The following RPH3A variants were observed in gnomAD, a reference collection of about 807,000 sequenced individuals.
RPH3A encodes the protein rabphilin-3A.
A neutral mutation model predicts 102.2 loss-of-function variants in RPH3A; 48 were observed. That is an observed-to-expected ratio of 0.47 (90% CI 0.37 to 0.60). The LOEUF (loss-of-function observed/expected upper bound fraction) is 0.60, where lower values mean the gene tolerates loss of function less well. Among genes scored for constraint, RPH3A ranks in the 20% least tolerant of loss-of-function variants. The pLI is 0.00. For missense variants in RPH3A, 781 were observed against 910.1 expected (o/e 0.86, Z 1.83); for synonymous variants, 310 against 324.3 (o/e 0.96, Z 0.47).
At chr12:112,580,149 T>C (rs764463117) in intron 1 of RPH3A, among the ~76,000 whole-genome samples, 38 of 152,096 alleles carry the variant, frequency 2.5e-4, no homozygotes, top group Non-Finnish European at 4.0e-4. Context: ...TCTCATTCAC[T>C]ATTTTTATCT....
chr12:112,717,133 C>A (rs1350084576), intron 1 of RPH3A, among the ~76,000 whole-genome samples: 2 of 152,180 alleles, frequency 1.3e-5, no homozygotes, highest in Non-Finnish European at 2.9e-5. Flanking sequence ...ATGGTATAAT[C>A]AATTGAAGGG....
chr12:112,834,590 C>T (rs1189711413), intron 3 of RPH3A, among the ~76,000 whole-genome samples: 1 of 152,172 alleles, frequency 6.6e-6, no homozygotes, highest in Non-Finnish European at 1.5e-5. Context: ...GCTTCCCTAC[C>T]ACCTCAGCAG....
chr12:112,666,074 C>T (rs150563576), intron 1 of RPH3A, among the ~76,000 whole-genome samples: 69 of 152,280 alleles, frequency 4.5e-4, no homozygotes, highest in African/African-American at 1.6e-3. Context: ...GCTACTTACT[C>T]GACACATGCA....
At chr12:112,827,125 C>G (rs934020969) in intron 2 of RPH3A, among the ~76,000 whole-genome samples, 17 of 152,074 alleles carry the variant, frequency 1.1e-4, no homozygotes, top group African/African-American at 4.1e-4. Context: ...AATTCCGTGG[C>G]TTTTAGTATT....
intron 2 of RPH3A, among the ~76,000 whole-genome samples, chr12:112,824,153 C>T (rs760198287): frequency 1.3e-5 from 2 of 152,298 alleles, no homozygotes; most frequent in East Asian, 1.9e-4. Flanking sequence ...GGAAGCTAGG[C>T]GAGGGCGTGG....
chr12:112,874,995 C>A, intron 10 of RPH3A, 89 bp from the exon 11 acceptor site: 1 of 1,127,090 alleles, frequency 8.9e-7, no homozygotes, highest in Non-Finnish European at 1.3e-6. Flanking sequence ...AAGGGGCTCA[C>A]CCCACACCAG....
chr12:112,849,000 T>C (rs1190128555), intron 5 of RPH3A, among the ~76,000 whole-genome samples: 1 of 152,110 alleles, frequency 6.6e-6, no homozygotes, highest in African/African-American at 2.4e-5. Flanking sequence ...GGATACCACC[T>C]CCACCCTATG....
At chr12:112,726,104 G>T (rs1263306185) in intron 1 of RPH3A, among the ~76,000 whole-genome samples, 1 of 142,166 alleles carries the variant, frequency 7.0e-6, no homozygotes, top group Non-Finnish European at 1.5e-5. Flanking sequence ...CTTTTTTTTC[G>T]GGGGGGTGGG....
intron 1 of RPH3A, among the ~76,000 whole-genome samples, chr12:112,694,489 C>A (rs964411379): frequency 6.6e-6 from 1 of 151,850 alleles, no homozygotes; most frequent in African/African-American, 2.4e-5. Flanking sequence ...TGGCTGGCCA[C>A]CAAGCTGAGA....
rs1593107076 is a variant in RPH3A, at chr12:112,869,849, C to A, written c.650-44C>A. 6 of 1,613,992 alleles carry A rather than the reference C, an allele frequency of 3.7e-6. No individual in the cohort carries two copies. In the East Asian group the frequency reaches 1.3e-4, roughly 36 times the overall value. ...ATTTGAGACACGAATTCACCTAATT[C>A]CCTCGATGCCCTTTCTCTACTCAAT... On this transcript the variant is annotated intron_variant, in intron 9 of 21. Transcript: ENST00000389385.
chr12:112,736,615 C>T (rs537270985), intron 1 of RPH3A, among the ~76,000 whole-genome samples: 2 of 152,160 alleles, frequency 1.3e-5, no homozygotes, highest in African/African-American at 4.8e-5. Flanking sequence ...GAACAGTGAC[C>T]ACCTCATGGG....
At position 112,791,843 on chromosome 12, in the gene RPH3A, G is replaced by T. The variant is rs1204701574; in HGVS notation, c.-309G>T. ...CTGCCAGCAGCCCGGAGTTGCCTAC[G>T]CGGACTGGAAAGGAAGGGAGAAGGG... On this transcript the variant is annotated 5_prime_UTR_variant, in exon 1 of 22. Transcript: ENST00000389385. 1.0e-5 allele frequency: 1 copy of T among 96,816 alleles called. No individual in the cohort carries two copies. Among genetic ancestry groups the T allele is most frequent in the East Asian group, 2.8e-4 (1 of 3,510 alleles). The allele number at this position is 96,816 out of a possible 1,614,324, so 6.0% of individuals were successfully genotyped here.
intron 3 of RPH3A, among the ~76,000 whole-genome samples, chr12:112,833,415 C>A (rs1346255796): frequency 6.6e-6 from 1 of 152,184 alleles, no homozygotes; most frequent in Non-Finnish European, 1.5e-5. Flanking sequence ...GTCTTTCTTG[C>A]AGATTTTCAT....
At chr12:112,802,289 C>T (rs1390029591) in intron 2 of RPH3A, among the ~76,000 whole-genome samples, 3 of 152,282 alleles carry the variant, frequency 2.0e-5, no homozygotes, top group East Asian at 3.9e-4. Flanking sequence ...GACATGGGTT[C>T]GAATCCTGCC....
chr12:112,691,159 G>C (rs551737421), intron 1 of RPH3A, among the ~76,000 whole-genome samples: 4 of 152,260 alleles, frequency 2.6e-5, no homozygotes, highest in African/African-American at 9.6e-5. Flanking sequence ...CAAGTAGCTG[G>C]GACTACAGGC....
intron 1 of RPH3A, among the ~76,000 whole-genome samples, chr12:112,620,397 T>A (rs1046614647): frequency 3.3e-5 from 5 of 152,214 alleles, no homozygotes; most frequent in Non-Finnish European, 5.9e-5. Flanking sequence ...TTATACTCAC[T>A]GAGTTTTCAC....
chr12:112,624,630 A>G (rs1285412651), intron 1 of RPH3A, among the ~76,000 whole-genome samples: 2 of 151,274 alleles, frequency 1.3e-5, no homozygotes, highest in Non-Finnish European at 2.9e-5. Flanking sequence ...CAGAGGTACA[A>G]GGAGGAACTG....
At chr12:112,645,114 C>T (rs1330141149) in intron 1 of RPH3A, among the ~76,000 whole-genome samples, 1 of 152,068 alleles carries the variant, frequency 6.6e-6, no homozygotes, top group Non-Finnish European at 1.5e-5. Context: ...CAGAGAGATA[C>T]CGTGAGAGTT....
intron 1 of RPH3A, among the ~76,000 whole-genome samples, chr12:112,678,305 G>GAAAGAAAGAA (rs1329663291): frequency 4.5e-5 from 5 of 111,978 alleles, no homozygotes; most frequent in East Asian, 3.1e-4. Context: ...AAGAAAGAAA[G>GAAAGAAAGAA]AGAGAGAGAG....
Sources: gnomAD v4.1 joint callset for allele counts (sites outside exome capture counted in the v4.1 genomes callset) on GRCh38, gnomAD v4.1.1 for gene constraint, MANE v1.5 for transcripts, NCBI Gene and HGNC (gene_info 2026-07-23, HGNC 2026-07-21) for gene names.